The following ZNF804A variants were observed in gnomAD, a reference collection of about 807,000 sequenced individuals.
ZNF804A encodes zinc finger protein 804A.
In ZNF804A, 2 loss-of-function variants were observed where a neutral mutation model predicts 16.5. The observed-to-expected ratio is 0.12, with a 90% CI of 0.05 to 0.38. The LOEUF is 0.38. Ranked by LOEUF, ZNF804A falls within the 10% of genes least tolerant of loss-of-function variation. ZNF804A has a pLI of 0.99. For synonymous variants in ZNF804A, 534 were observed against 489.6 expected, an observed-to-expected ratio of 1.09 and a Z score of -1.20; for missense variants, 1,473 against 1,390.7, an observed-to-expected ratio of 1.06 and a Z score of -0.94.
chr2:184,722,851 G>A (rs867283126), intron 1 of ZNF804A, among the ~76,000 whole-genome samples: 1 of 152,052 alleles, frequency 6.6e-6, no homozygotes, highest in Middle Eastern at 3.4e-3. Context: ...CATTGATGGA[G>A]ATCATAGATG....
chr2:184,728,107 A>G (rs868484894), intron 1 of ZNF804A, among the ~76,000 whole-genome samples: 18 of 130,208 alleles, frequency 1.4e-4, no homozygotes, highest in African/African-American at 6.8e-4. Context: ...GAGTTTTCAA[A>G]TGAAAATCTA....
intron 1 of ZNF804A, among the ~76,000 whole-genome samples, chr2:184,684,144 A>C (rs1472923042): frequency 6.6e-6 from 1 of 152,186 alleles, no homozygotes; most frequent in Admixed American, 6.5e-5. Flanking sequence ...CTTTACAACC[A>C]CCCTTGCCTA....
intron 1 of ZNF804A, among the ~76,000 whole-genome samples, chr2:184,787,059 C>A (rs771646604): frequency 4.0e-5 from 6 of 151,772 alleles, no homozygotes; most frequent in Non-Finnish European, 5.9e-5. Context: ...ATACCCTTCA[C>A]CCAAATATTG....
intron 2 of ZNF804A, among the ~76,000 whole-genome samples, chr2:184,927,620 G>C (rs1235788973): frequency 1.3e-5 from 2 of 152,104 alleles, no homozygotes. Flanking sequence ...TTAAAGCCAG[G>C]GTCCAGAATC....
At chr2:184,830,899 C>T (rs1695253342) in intron 1 of ZNF804A, among the ~76,000 whole-genome samples, 1 of 152,044 alleles carries the variant, frequency 6.6e-6, no homozygotes, top group Admixed American at 6.6e-5. Context: ...GAGAAAATAA[C>T]ATGACACAAT....
Position 184,928,209 on chromosome 2 carries a change from A to T in ZNF804A, c.256-5394A>T, listed in dbSNP as rs542150755. On this transcript the variant is annotated intron_variant, in intron 2 of 3. Coordinates refer to ENST00000302277, the MANE Select transcript of ZNF804A (RefSeq NM_194250.2). ...GTTAGCAAGTGATCAATTCTGCCAA[A>T]ACTAGGTCCTTCCCTTCAAGACAGT... Among the ~76,000 whole-genome samples, 69 of 152,156 alleles carry T rather than the reference A, an allele frequency of 4.5e-4. 1 individual carries two copies. The highest frequency in any genetic ancestry group is 6.3e-4 in the Non-Finnish European group (43 of 67,998).
chr2:184,670,701 C>G (rs1692327893), intron 1 of ZNF804A, among the ~76,000 whole-genome samples: 1 of 152,060 alleles, frequency 6.6e-6, no homozygotes, highest in African/African-American at 2.4e-5. Context: ...TTTGTGGACT[C>G]TAAATTTACT....
intron 1 of ZNF804A, among the ~76,000 whole-genome samples, chr2:184,849,893 A>T (rs1695575748): frequency 6.6e-6 from 1 of 152,034 alleles, no homozygotes. Flanking sequence ...CCATAAAAGG[A>T]AATGAAATCC....
At chr2:184,671,010 G>C (rs962864586) in intron 1 of ZNF804A, among the ~76,000 whole-genome samples, 2 of 152,078 alleles carry the variant, frequency 1.3e-5, no homozygotes, top group Non-Finnish European at 2.9e-5. Context: ...AGGTATTACA[G>C]ATTTAATATC....
chr2:184,761,711 T>A (rs2105763589), intron 1 of ZNF804A, among the ~76,000 whole-genome samples: 1 of 152,120 alleles, frequency 6.6e-6, no homozygotes, highest in Middle Eastern at 3.4e-3. Context: ...GATGTGCAAA[T>A]AAATTTGGGA....
At chr2:184,686,519 T>C (rs1188102797) in intron 1 of ZNF804A, among the ~76,000 whole-genome samples, 1 of 152,230 alleles carries the variant, frequency 6.6e-6, no homozygotes, top group Non-Finnish European at 1.5e-5. Context: ...AGTTCATGTG[T>C]CTTTTTGGTA....
intron 1 of ZNF804A, among the ~76,000 whole-genome samples, chr2:184,649,965 C>A (rs750250800): frequency 6.6e-6 from 1 of 151,858 alleles, no homozygotes; most frequent in Non-Finnish European, 1.5e-5. Context: ...TTCTATAAAT[C>A]CAGCACCACC....
At chr2:184,628,066 G>C (rs993850105) in intron 1 of ZNF804A, among the ~76,000 whole-genome samples, 7 of 152,312 alleles carry the variant, frequency 4.6e-5, no homozygotes, top group African/African-American at 1.4e-4. Context: ...TGTAATCCCA[G>C]TACTTTGGGA....
intron 2 of ZNF804A, among the ~76,000 whole-genome samples, chr2:184,895,143 T>A (rs1383115589): frequency 6.6e-6 from 1 of 152,022 alleles, no homozygotes; most frequent in East Asian, 1.9e-4. Context: ...TACACGAAAC[T>A]ACACAACTAG....
In ZNF804A at chr2:184,933,617, G is replaced by C; in HGVS notation, c.270G>C (p.Leu90=). The change falls in exon 3 of 4, where the codon CTG becomes CTC. Residue 90 remains leucine (L), a synonymous_variant. Transcript: ENST00000302277. ...DHAHKQRLKE[L]KQREFARNVA... ...TTTTTTAACAGAGGCTCAAGGAACT[G>C]AAACAAAGGGAATTTGCTCGAAATG... is the stretch of plus-strand genomic sequence containing the variant. The C allele has an allele frequency of 2.5e-6, 4 of 1,600,052 alleles. No individual in the cohort carries two copies. The highest frequency in any genetic ancestry group is 2.6e-6 in the Non-Finnish European group (3 of 1,176,080).
rs773857291 is a variant in ZNF804A at position 184,936,278 on chromosome 2, A to G, written c.882A>G (p.Gln294=). The change falls in exon 4 of 4, where the codon CAA becomes CAG. Residue 294 remains glutamine, a synonymous_variant. Transcript: ENST00000302277. ...GAGACAAAGAAACTGTTCAAACTCA[A>G]GAGATAAAAGAAGTCTCTAGTGAAA... ...MCRDKETVQT[Q]EIKEVSSEKD... is the part of the protein sequence containing the mutation. 15 of 1,613,950 alleles carry G rather than the reference A, an allele frequency of 9.3e-6. No homozygotes were observed. In the East Asian group the frequency reaches 1.1e-4, roughly 12 times the overall value.
chr2:184,937,477 A>G lies in ZNF804A; in HGVS notation c.2081A>G (p.Lys694Arg). ...YDTISSKNHC[K>R]KNTILLNGQS... The stretch of plus-strand genomic sequence containing the variant: ...ACTATCAGTTCTAAAAACCACTGTA[A>G]AAAGAACACAATACTTTTAAATGGA... The change falls in exon 4 of 4, where the codon AAA becomes AGA. Residue 694 changes from lysine to arginine, a missense_variant. Lys to Arg is a conservative substitution (Grantham distance 26). Transcript: ENST00000302277. The G allele has an allele frequency of 1.9e-6, 3 of 1,569,142 alleles. No individual in the cohort carries two copies. The highest frequency in any genetic ancestry group is 2.6e-6 in the Non-Finnish European group (3 of 1,155,802).
At chr2:184,845,359 G>A (rs1695495695) in intron 1 of ZNF804A, among the ~76,000 whole-genome samples, 1 of 152,070 alleles carries the variant, frequency 6.6e-6, no homozygotes, top group African/African-American at 2.4e-5. Flanking sequence ...GCCTCTTAAT[G>A]TCTCTATCTC....
chr2:184,693,094 A>G (rs1467533916), intron 1 of ZNF804A, among the ~76,000 whole-genome samples: 1 of 152,140 alleles, frequency 6.6e-6, no homozygotes, highest in African/African-American at 2.4e-5. Context: ...AAGTGCAGAA[A>G]TCATTCATTG....
Sources: gnomAD v4.1 joint callset for allele counts (sites outside exome capture counted in the v4.1 genomes callset) on GRCh38, gnomAD v4.1.1 for gene constraint, MANE v1.5 for transcripts, NCBI Gene and HGNC (gene_info 2026-07-23, HGNC 2026-07-21) for gene names.